The following ADCY2 variants were observed in gnomAD, a reference collection of about 807,000 sequenced individuals.
The protein encoded by ADCY2 is adenylate cyclase 2, also known as adenylate cyclase type 2.
Under a neutral mutation model 125.2 loss-of-function variants are expected in ADCY2, and 31 were observed. That is an observed-to-expected ratio of 0.25 (90% CI 0.19 to 0.33). The LOEUF (loss-of-function observed/expected upper bound fraction) is 0.33. Among genes scored for constraint, ADCY2 ranks in the 10% least tolerant of loss-of-function variants. The pLI, the probability that ADCY2 is intolerant of heterozygous loss-of-function variation, is 1.00. For synonymous variants in ADCY2, 512 were observed against 548.4 expected (o/e 0.93, Z 0.93); for missense variants, 904 against 1,418.2 (o/e 0.64, Z 5.82).
chr5:7,785,873 G>T (rs13189538), intron 19 of ADCY2, among the ~76,000 whole-genome samples: 1 of 151,848 alleles, frequency 6.6e-6, no homozygotes, highest in Non-Finnish European at 1.5e-5. Flanking sequence ...GTTATTGGTC[G>T]TTGAGATGAT....
At chr5:7,556,696 A>G (rs1735516265) in intron 3 of ADCY2, among the ~76,000 whole-genome samples, 3 of 152,164 alleles carry the variant, frequency 2.0e-5, no homozygotes, top group Admixed American at 2.0e-4. Context: ...GCAGCAGGCG[A>G]GCTCGCTTTA....
intron 4 of ADCY2, among the ~76,000 whole-genome samples, chr5:7,632,555 A>G (rs1738350921): frequency 6.6e-6 from 1 of 152,138 alleles, no homozygotes; most frequent in South Asian, 2.1e-4. Flanking sequence ...AATGATGTGG[A>G]AGACTACACA....
rs534056583 is a variant in ADCY2, at chr5:7,699,008, C to T, written c.1109+634C>T. ...AACTAATTTACACTCCCACCAACAG[C>T]GTAAAAGCGCTCCTATTTCTCCACA... On this transcript the variant is annotated intron_variant, in intron 7 of 24. Coordinates refer to ENST00000338316, the MANE Select transcript of ADCY2 (RefSeq NM_020546.3). Among the ~76,000 whole-genome samples the T allele has an allele frequency of 3.6e-3, 536 of 147,748 alleles. 3 individuals carry two copies. Among genetic ancestry groups the T allele is most frequent in the Non-Finnish European group, 4.5e-3 (301 of 67,536 alleles).
At chr5:7,576,180 T>G (rs1736242544) in intron 3 of ADCY2, among the ~76,000 whole-genome samples, 1 of 152,230 alleles carries the variant, frequency 6.6e-6, no homozygotes, top group African/African-American at 2.4e-5. Context: ...CTCACTGTGC[T>G]GCACACAGGC....
At chr5:7,629,478 G>A (rs1251355522) in intron 4 of ADCY2, among the ~76,000 whole-genome samples, 1 of 152,152 alleles carries the variant, frequency 6.6e-6, no homozygotes, top group Non-Finnish European at 1.5e-5. Flanking sequence ...CTTGAATAAA[G>A]TGGCCATTTG....
At chr5:7,644,310 A>G (rs1183219664) in intron 4 of ADCY2, among the ~76,000 whole-genome samples, 1 of 151,966 alleles carries the variant, frequency 6.6e-6, no homozygotes, top group Non-Finnish European at 1.5e-5. Context: ...TCTGCTACCC[A>G]CATTTTTGTC....
chr5:7,683,437 C>A (rs990965609), intron 4 of ADCY2, among the ~76,000 whole-genome samples: 3 of 152,188 alleles, frequency 2.0e-5, no homozygotes, highest in Admixed American at 6.5e-5. Context: ...AGTGGCTGAA[C>A]AATAGTGGTT....
chr5:7,722,360 G>C (rs1247416467), intron 12 of ADCY2, among the ~76,000 whole-genome samples: 1 of 152,170 alleles, frequency 6.6e-6, no homozygotes, highest in African/African-American at 2.4e-5. Flanking sequence ...CTCGCAAGCT[G>C]ACATTTTCCA....
At chr5:7,722,304 T>A (rs1741786637) in intron 12 of ADCY2, among the ~76,000 whole-genome samples, 1 of 152,168 alleles carries the variant, frequency 6.6e-6, no homozygotes, top group Non-Finnish European at 1.5e-5. Context: ...GCCCAACTAG[T>A]AAAGGAGGTG....
intron 1 of ADCY2, among the ~76,000 whole-genome samples, chr5:7,401,047 T>C (rs1479949348): frequency 6.6e-6 from 1 of 152,196 alleles, no homozygotes; most frequent in East Asian, 1.9e-4. Flanking sequence ...GCTTTGTCCA[T>C]TTCCACTTCT....
chr5:7,776,370 C>T (rs1743727009), intron 18 of ADCY2, among the ~76,000 whole-genome samples: 1 of 152,028 alleles, frequency 6.6e-6, no homozygotes, highest in Non-Finnish European at 1.5e-5. Flanking sequence ...TTTGTCCCAT[C>T]CGTTTGGTGA....
chr5:7,413,905 G>T (rs1463506584), intron 1 of ADCY2, among the ~76,000 whole-genome samples: 1 of 152,142 alleles, frequency 6.6e-6, no homozygotes, highest in Non-Finnish European at 1.5e-5. Flanking sequence ...TTAGTAAGAA[G>T]TGAATAATAA....
intron 3 of ADCY2, among the ~76,000 whole-genome samples, chr5:7,592,206 A>G (rs1036806102): frequency 6.6e-6 from 1 of 152,174 alleles, no homozygotes; most frequent in African/African-American, 2.4e-5. Flanking sequence ...AATAGTTATT[A>G]GTGTATTTTT....
chr5:7,405,383 C>T (rs1218838587), intron 1 of ADCY2, among the ~76,000 whole-genome samples: 2 of 150,408 alleles, frequency 1.3e-5, no homozygotes, highest in Non-Finnish European at 2.9e-5. Context: ...TTGATCTCTG[C>T]TGGTCTGTCT....
chr5:7,793,838 A>G (rs1235786684), intron 20 of ADCY2: 1 of 152,284 alleles, frequency 6.6e-6, no homozygotes, highest in Admixed American at 6.6e-5. Flanking sequence ...TTCCAGTTGC[A>G]ACACCTGAAG....
intron 14 of ADCY2, among the ~76,000 whole-genome samples, chr5:7,727,990 T>G (rs1170816493): frequency 1.3e-5 from 2 of 152,170 alleles, no homozygotes; most frequent in South Asian, 4.1e-4. Context: ...CTAAAGAAAA[T>G]TCTTGTCCTT....
chr5:7,438,798 G>C (rs142437052), intron 2 of ADCY2, among the ~76,000 whole-genome samples: 1 of 152,120 alleles, frequency 6.6e-6, no homozygotes, highest in Non-Finnish European at 1.5e-5. Context: ...GTGAACAGTC[G>C]GAGGTTCTGT....
At chr5:7,757,886 T>G (rs1743068487) in intron 16 of ADCY2, among the ~76,000 whole-genome samples, 1 of 152,166 alleles carries the variant, frequency 6.6e-6, no homozygotes. Context: ...AAAGGGGTGC[T>G]TTCACAGAGC....
intron 4 of ADCY2, among the ~76,000 whole-genome samples, chr5:7,628,574 A>C (rs182701748): frequency 1.3e-5 from 2 of 152,334 alleles, no homozygotes; most frequent in Admixed American, 1.3e-4. Context: ...GATTCTTTTA[A>C]AAATAAAGAA....
Sources: gnomAD v4.1 joint callset for allele counts (sites outside exome capture counted in the v4.1 genomes callset) on GRCh38, gnomAD v4.1.1 for gene constraint, MANE v1.5 for transcripts, NCBI Gene and HGNC (gene_info 2026-07-23, HGNC 2026-07-21) for gene names.